FGF14: variants seen among roughly 807,000 people sequenced by gnomAD.
FGF14 encodes fibroblast growth factor homologous factor 4.
A neutral mutation model predicts 25.5 loss-of-function variants in FGF14; 5 were observed. That is an observed-to-expected ratio of 0.20 (90% confidence interval 0.10 to 0.41). FGF14 has a LOEUF of 0.41. Ranked by LOEUF, FGF14 falls within the 10% of genes least tolerant of loss-of-function variation. FGF14 has a pLI of 1.00. For synonymous variants in FGF14, 138 were observed against 118.3 expected (o/e 1.17, Z -1.08); for missense variants, 222 against 320.1 (o/e 0.69, Z 2.34).
chr13:101,714,763 A>C lies in FGF14; in HGVS notation c.*8068T>G. The C allele has an allele frequency of 1.9e-6, 1 of 539,270 alleles. No homozygotes were observed. The highest frequency in any genetic ancestry group is 3.3e-6 in the Non-Finnish European group (1 of 303,368). 33.4% of individuals were successfully genotyped at this position (539,270 alleles called of 1,614,324 possible). On this transcript the variant is annotated 3_prime_UTR_variant, in exon 5 of 5. Coordinates refer to ENST00000376143, the MANE Select transcript of FGF14 (RefSeq NM_004115.4). ...GAAGAATACAAGAGAATGAAGCTAA[A>C]TTTTGTGATTATTTGGGATCCTTCC...
intron 1 of FGF14, among the ~76,000 whole-genome samples, chr13:101,972,602 C>T (rs2037667516): frequency 6.6e-6 from 1 of 152,186 alleles, no homozygotes; most frequent in Non-Finnish European, 1.5e-5. Flanking sequence ...AGAGAAGACT[C>T]TCCTTTCACC....
intron 3 of FGF14, among the ~76,000 whole-genome samples, chr13:101,807,795 G>A (rs1364189186): frequency 6.6e-6 from 1 of 152,002 alleles, no homozygotes; most frequent in Non-Finnish European, 1.5e-5. Context: ...GTTACATGCT[G>A]CCACGTCAAA....
intron 1 of FGF14, among the ~76,000 whole-genome samples, chr13:102,338,164 C>T (rs140273530): frequency 1.8e-3 from 269 of 152,130 alleles, no homozygotes; most frequent in African/African-American, 6.0e-3. Context: ...CCATAAGGAA[C>T]ATTTAATTTC....
chr13:102,236,662 AC>A (rs2051340437), intron 1 of FGF14, among the ~76,000 whole-genome samples: 1 of 152,108 alleles, frequency 6.6e-6, no homozygotes, highest in Non-Finnish European at 1.5e-5. Flanking sequence ...CCTCTAAAGG[AC>A]CTCTGGAATA....
At chr13:102,075,016 A>T (rs887105925) in intron 1 of FGF14, among the ~76,000 whole-genome samples, 13 of 152,236 alleles carry the variant, frequency 8.5e-5, no homozygotes, top group African/African-American at 3.1e-4. Context: ...ATCAGGAACA[A>T]GACAATGATG....
intron 1 of FGF14, among the ~76,000 whole-genome samples, chr13:102,301,636 G>T (rs2055058273): frequency 6.6e-6 from 1 of 152,052 alleles, no homozygotes; most frequent in Non-Finnish European, 1.5e-5. Flanking sequence ...GGACTTACCA[G>T]TCAGGACTCA....
intron 2 of FGF14, among the ~76,000 whole-genome samples, chr13:101,870,938 C>T (rs145482123): frequency 7.3e-5 from 11 of 151,716 alleles, no homozygotes; most frequent in African/African-American, 2.2e-4. Context: ...GGGCAATGAG[C>T]GAAACTCCAT....
At chr13:102,151,052 A>T (rs1027440487) in intron 1 of FGF14, among the ~76,000 whole-genome samples, 1 of 152,210 alleles carries the variant, frequency 6.6e-6, no homozygotes, top group Non-Finnish European at 1.5e-5. Flanking sequence ...GCATTTTAAC[A>T]GTTTTCAATG....
At chr13:102,325,439 T>G (rs781757710) in intron 1 of FGF14, among the ~76,000 whole-genome samples, 1 of 152,330 alleles carries the variant, frequency 6.6e-6, no homozygotes, top group East Asian at 1.9e-4. Flanking sequence ...ATTTTCTGTC[T>G]GATCTTGGGT....
intron 1 of FGF14, among the ~76,000 whole-genome samples, chr13:101,946,700 GGGAC>G (rs1411444818): frequency 4.1e-4 from 63 of 152,298 alleles, no homozygotes; most frequent in African/African-American, 1.4e-3. Flanking sequence ...GTCTCTCACA[GGGAC>G]TACTTTTTAA....
At chr13:102,235,630 A>T (rs1306985164) in intron 1 of FGF14, among the ~76,000 whole-genome samples, 4 of 152,150 alleles carry the variant, frequency 2.6e-5, no homozygotes, top group Non-Finnish European at 4.4e-5. Flanking sequence ...AAATTTGTTT[A>T]TTTTTTAATC....
At chr13:101,774,905 T>C (rs1289048005) in intron 3 of FGF14, among the ~76,000 whole-genome samples, 1 of 144,300 alleles carries the variant, frequency 6.9e-6, no homozygotes, top group Non-Finnish European at 1.5e-5. Context: ...ATACAAAAAT[T>C]AGCCAGTGAG....
At position 102,161,570 on chromosome 13, in the gene FGF14, A is replaced by AAAG. The variant is rs1555369389; in HGVS notation, c.208+239898_208+239900dup. 4.4e-3 allele frequency among the ~76,000 whole-genome samples: 25 copies of AAAG among 5,654 alleles called. 8 individuals carry two copies. Among genetic ancestry groups the AAAG allele is most frequent in the South Asian group, 7.8e-3 (1 of 128 alleles). 3.7% of individuals were successfully genotyped at this position (5,654 alleles called of 152,430 possible). On this transcript the variant is annotated intron_variant, in intron 1 of 4. Transcript: ENST00000376131. ...TCTATGCAACCAACTTTCTGTGAAG[A>AAAG]AAGAAAGAAGAAGAAGAAGAAGAAG... is the stretch of plus-strand genomic sequence containing the variant.
chr13:102,148,096 G>A (rs1267686846), intron 1 of FGF14, among the ~76,000 whole-genome samples: 1 of 152,094 alleles, frequency 6.6e-6, no homozygotes, highest in Non-Finnish European at 1.5e-5. Flanking sequence ...AAGAGATAAT[G>A]TGTCAACGGT....
chr13:101,870,399 C>T (rs1428575322), intron 2 of FGF14, among the ~76,000 whole-genome samples: 1 of 152,146 alleles, frequency 6.6e-6, no homozygotes, highest in East Asian at 1.9e-4. Flanking sequence ...AATCATATGA[C>T]TGTCCACGCA....
At chr13:101,790,345 C>T (rs985236591) in intron 3 of FGF14, among the ~76,000 whole-genome samples, 2 of 151,590 alleles carry the variant, frequency 1.3e-5, no homozygotes, top group African/African-American at 4.8e-5. Context: ...AGAGCATAGT[C>T]AACTACATTT....
intron 3 of FGF14, among the ~76,000 whole-genome samples, chr13:101,836,212 T>C (rs998446928): frequency 1.3e-5 from 2 of 152,010 alleles, no homozygotes; most frequent in Non-Finnish European, 2.9e-5. Flanking sequence ...AACAAGCTGG[T>C]AAATGTGCAT....
At chr13:102,034,434 G>A (rs2041369894) in intron 1 of FGF14, among the ~76,000 whole-genome samples, 1 of 152,110 alleles carries the variant, frequency 6.6e-6, no homozygotes, top group Non-Finnish European at 1.5e-5. Flanking sequence ...GGATGACAGT[G>A]GCAGCATCGG....
At chr13:102,157,231 G>A (rs1408143569) in intron 1 of FGF14, among the ~76,000 whole-genome samples, 1 of 152,170 alleles carries the variant, frequency 6.6e-6, no homozygotes, top group Admixed American at 6.5e-5. Context: ...CAAAGCTGGA[G>A]GCATCATGCT....
Sources: allele counts gnomAD v4.1 joint callset (sites outside exome capture counted in the v4.1 genomes callset), GRCh38; gene constraint gnomAD v4.1.1; transcripts MANE v1.5; gene names NCBI Gene and HGNC (gene_info 2026-07-23, HGNC 2026-07-21).